The following CUX1 variants were observed in gnomAD, a reference collection of about 807,000 sequenced individuals.
CUX1 encodes the protein cut like homeobox 1, also known as protein CASP.
Under a neutral mutation model 158.8 loss-of-function variants are expected in CUX1, and 31 were observed. That is an observed-to-expected ratio of 0.20 (90% CI 0.15 to 0.26). CUX1 has a LOEUF of 0.26. Ranked by LOEUF, CUX1 falls within the 10% of genes least tolerant of loss-of-function variation. CUX1 has a pLI of 1.00. For synonymous variants in CUX1, 879 were observed against 862.1 expected, an observed-to-expected ratio of 1.02 and a Z score of -0.34; for missense variants, 1,589 against 2,014.6, an observed-to-expected ratio of 0.79 and a Z score of 4.04.
intron 1 of CUX1, among the ~76,000 whole-genome samples, chr7:101,834,099 G>A (rs1794359510): frequency 6.6e-6 from 1 of 151,382 alleles, no homozygotes; most frequent in Non-Finnish European, 1.5e-5. Flanking sequence ...GCCCAGGGAT[G>A]GCCTTTAGTG....
intron 11 of CUX1, among the ~76,000 whole-genome samples, chr7:102,189,157 T>C (rs1554516176): frequency 6.6e-6 from 1 of 152,152 alleles, no homozygotes; most frequent in Non-Finnish European, 1.5e-5. Context: ...CTCTCGTTAG[T>C]AGAGGTCCTC....
Position 102,254,191 on chromosome 7 carries a change from G to C in CUX1, c.*5149G>C, listed in dbSNP as rs527792119. On this transcript the variant is annotated 3_prime_UTR_variant, in exon 24 of 24. Transcript: ENST00000292535. ...GCTGTTTCTTTTGCAGGCAGGGCGT[G>C]GTCTCGGGGCTCCGAGGGTCTTGTC... 543 of 985,612 alleles carry C rather than the reference G, an allele frequency of 5.5e-4. No homozygotes were observed. Among genetic ancestry groups the C allele is most frequent in the Non-Finnish European group, 6.4e-4 (528 of 830,104 alleles). The allele number at this position is 985,612 out of a possible 1,614,324, so 61.1% of individuals were successfully genotyped here.
At position 101,831,734 on chromosome 7, in the gene CUX1, T is replaced by TTTATTATTATTATTATTA. The variant is rs10654094; in HGVS notation, c.30+14071_30+14088dup. Reference sequence around the variant, plus strand: ...TCTTCTGAAGGCCCTGAGAAATAACTTTATTATTATTATTATTATTATTTA... The same window carrying TTTATTATTATTATTATTA: ...TCTTCTGAAGGCCCTGAGAAATAACTTTATTATTATTATTATTATTATTATTATTATTATTATTATTTA... On this transcript the variant is annotated intron_variant, in intron 1 of 23. Transcript: ENST00000292535. 4.7e-3 allele frequency among the ~76,000 whole-genome samples: 699 copies of TTTATTATTATTATTATTA among 147,400 alleles called. 3 individuals carry two copies. Among genetic ancestry groups the TTTATTATTATTATTATTA allele is most frequent in the East Asian group, 0.033 (164 of 4,938 alleles).
chr7:101,849,476 C>T (rs765357514), intron 1 of CUX1, among the ~76,000 whole-genome samples: 2 of 152,186 alleles, frequency 1.3e-5, no homozygotes, highest in South Asian at 4.1e-4. Flanking sequence ...TAATGGCCTC[C>T]AGCTCCATCC....
chr7:101,860,158 G>C (rs887969532), intron 1 of CUX1, among the ~76,000 whole-genome samples: 5 of 151,944 alleles, frequency 3.3e-5, no homozygotes, highest in African/African-American at 1.2e-4. Flanking sequence ...CCTTGAAGGG[G>C]ATAGATGCAT....
chr7:102,230,699 T>A (rs1197576531), intron 21 of CUX1, among the ~76,000 whole-genome samples: 3 of 152,086 alleles, frequency 2.0e-5, no homozygotes, highest in Non-Finnish European at 4.4e-5. Flanking sequence ...AAAATGTAGC[T>A]GTTGATTTGA....
intron 8 of CUX1, chr7:102,125,710 AAAG>A (rs1416240501): frequency 6.6e-6 from 1 of 152,066 alleles, no homozygotes; most frequent in Non-Finnish European, 1.5e-5. Context: ...AAAAAAAAAA[AAAG>A]GCACTGTACA....
At chr7:101,988,188 G>C (rs1814578130) in intron 2 of CUX1, among the ~76,000 whole-genome samples, 1 of 151,126 alleles carries the variant, frequency 6.6e-6, no homozygotes, top group Non-Finnish European at 1.5e-5. Flanking sequence ...TCCAGCCTGG[G>C]CAACAGAGCG....
In CUX1 at chr7:102,255,006, G is replaced by T; in HGVS notation, c.*5964G>T. On this transcript the variant is annotated 3_prime_UTR_variant, in exon 24 of 24. Transcript: ENST00000292535. Reference sequence around the variant, plus strand: ...GAAAGTTAAGTCCACCAACCCTTGGGCTTAATCAGGACGGAAGAGGAGGGG... The same window carrying T: ...GAAAGTTAAGTCCACCAACCCTTGGTCTTAATCAGGACGGAAGAGGAGGGG... 1 of 985,510 alleles carries T rather than the reference G, an allele frequency of 1.0e-6. No individual in the cohort carries two copies. Among genetic ancestry groups the T allele is most frequent in the Non-Finnish European group, 1.2e-6 (1 of 830,016 alleles). 61.0% of individuals were successfully genotyped at this position (985,510 alleles called of 1,614,324 possible).
intron 1 of CUX1, among the ~76,000 whole-genome samples, chr7:101,829,607 C>G (rs562806609): frequency 6.9e-6 from 1 of 144,422 alleles, no homozygotes; most frequent in Non-Finnish European, 1.5e-5. Context: ...GAAGGGACCT[C>G]TTCTCAGGGG....
chr7:102,087,316 C>G (rs1164243828), intron 4 of CUX1, among the ~76,000 whole-genome samples: 1 of 152,166 alleles, frequency 6.6e-6, no homozygotes. Flanking sequence ...CATGATGGCT[C>G]ACACCTGTAA....
intron 2 of CUX1, among the ~76,000 whole-genome samples, chr7:102,017,245 C>T (rs1310291896): frequency 6.7e-6 from 1 of 150,096 alleles, no homozygotes; most frequent in Non-Finnish European, 1.5e-5. Context: ...GAGCCAAGAT[C>T]GCACCACTGC....
At chr7:102,176,205 G>A (rs977162414) in intron 10 of CUX1, among the ~76,000 whole-genome samples, 3 of 152,198 alleles carry the variant, frequency 2.0e-5, no homozygotes, top group Non-Finnish European at 4.4e-5. Flanking sequence ...CATTTTCCCC[G>A]AGGGAGATAT....
intron 1 of CUX1, among the ~76,000 whole-genome samples, chr7:101,845,275 C>G (rs1371202688): frequency 1.3e-5 from 2 of 152,128 alleles, no homozygotes; most frequent in Non-Finnish European, 2.9e-5. Flanking sequence ...TGCGAGCCCC[C>G]ATGCCTGACC....
chr7:102,164,753 G>A (rs1790821897), intron 9 of CUX1, among the ~76,000 whole-genome samples: 1 of 152,206 alleles, frequency 6.6e-6, no homozygotes, highest in South Asian at 2.1e-4. Context: ...GTAATTGCAT[G>A]CTGCGGGTAG....
chr7:101,850,540 C>T (rs1416266541), intron 1 of CUX1, among the ~76,000 whole-genome samples: 10 of 151,248 alleles, frequency 6.6e-5, no homozygotes, highest in Non-Finnish European at 1.5e-5. Context: ...AGCACTGTGC[C>T]CGGCTAATTG....
In CUX1 at chr7:102,158,618, T is replaced by C. The variant is rs782541934; in HGVS notation, c.723+10T>C. 129 of 1,613,860 alleles carry C rather than the reference T, an allele frequency of 8.0e-5. No individual in the cohort carries two copies. Among genetic ancestry groups the C allele is most frequent in the Non-Finnish European group, 1.1e-4 (125 of 1,179,880 alleles). On this transcript the variant is annotated intron_variant, in intron 9 of 23. Coordinates refer to ENST00000292535, the MANE Select transcript of CUX1 (RefSeq NM_181552.4). The stretch of plus-strand genomic sequence containing the variant: ...TGAAAGGGCAAACCAGGTAGGACCC[T>C]GGACGCTTTTAGTCCTAAAACCCAC...
At chr7:102,192,155 C>T (rs1794347954) in intron 12 of CUX1, among the ~76,000 whole-genome samples, 1 of 152,164 alleles carries the variant, frequency 6.6e-6, no homozygotes, top group African/African-American at 2.4e-5. Context: ...GTCCCATTTC[C>T]ACTTCCTCAC....
chr7:101,884,627 A>G (rs1028500423), intron 1 of CUX1, among the ~76,000 whole-genome samples: 1 of 152,248 alleles, frequency 6.6e-6, no homozygotes, highest in Non-Finnish European at 1.5e-5. Context: ...GTGATCCCTG[A>G]GAGAGATACA....
Sources: allele counts gnomAD v4.1 joint callset (sites outside exome capture counted in the v4.1 genomes callset), GRCh38; gene constraint gnomAD v4.1.1; transcripts MANE v1.5; gene names NCBI Gene and HGNC (gene_info 2026-07-23, HGNC 2026-07-21).